Variants in ARHGAP12 observed in about 807,000 individuals in gnomAD.
ARHGAP12 encodes the protein Rho GTPase activating protein 12, also known as rho GTPase-activating protein 12.
Under a neutral mutation model 108.6 loss-of-function variants are expected in ARHGAP12, and 64 were observed. The observed-to-expected ratio is 0.59, with a 90% CI of 0.48 to 0.73. ARHGAP12 has a LOEUF of 0.73. ARHGAP12 is among the 30% of genes least tolerant of loss of function. The pLI is 0.00. For synonymous variants in ARHGAP12, 312 were observed against 337.2 expected (o/e 0.93, Z 0.82); for missense variants, 940 against 1,005.9 (o/e 0.93, Z 0.89).
intron 3 of ARHGAP12, among the ~76,000 whole-genome samples, chr10:31,867,392 C>T (rs1331966177): frequency 6.6e-6 from 1 of 152,144 alleles, no homozygotes; most frequent in East Asian, 1.9e-4. Context: ...AGGGAATTAA[C>T]ACTGATTGAT....
intron 7 of ARHGAP12, among the ~76,000 whole-genome samples, chr10:31,840,028 A>G (rs2132229663): frequency 6.6e-6 from 1 of 152,228 alleles, no homozygotes; most frequent in Non-Finnish European, 1.5e-5. Context: ...TAAAATAAGT[A>G]AAACCTAAAC....
chr10:31,825,530 C>T (rs1050997970), intron 11 of ARHGAP12, among the ~76,000 whole-genome samples: 1 of 152,098 alleles, frequency 6.6e-6, no homozygotes, highest in South Asian at 2.1e-4. Flanking sequence ...CCCAGACCTG[C>T]CACTTGGTAG....
chr10:31,919,939 A>C (rs185853825), intron 1 of ARHGAP12, among the ~76,000 whole-genome samples: 163 of 151,928 alleles, frequency 1.1e-3, no homozygotes, highest in African/African-American at 3.8e-3. Flanking sequence ...AACATGGTGA[A>C]ACCCCATCTC....
At chr10:31,811,489 G>GA (rs1460109949) in intron 15 of ARHGAP12, among the ~76,000 whole-genome samples, 1 of 149,850 alleles carries the variant, frequency 6.7e-6, no homozygotes, top group East Asian at 1.9e-4. Context: ...ATTTCTCAGG[G>GA]AAAAGGCCTG....
At chr10:31,928,442 T>C (rs1840156233) in intron 1 of ARHGAP12, among the ~76,000 whole-genome samples, 1 of 151,432 alleles carries the variant, frequency 6.6e-6, no homozygotes, top group South Asian at 2.1e-4. Flanking sequence ...CGTCAGCCAA[T>C]AGGCTGCGCC....
At chr10:31,877,174 G>A (rs922678191) in intron 3 of ARHGAP12, among the ~76,000 whole-genome samples, 15 of 152,266 alleles carry the variant, frequency 9.9e-5, no homozygotes, top group African/African-American at 3.4e-4. Flanking sequence ...GGACGCTGTT[G>A]CGCATTAGAA....
In ARHGAP12 at chr10:31,927,120, C is replaced by G. The variant is rs181751399; in HGVS notation, c.-111+1563G>C. On this transcript the variant is annotated intron_variant, in intron 1 of 19. Coordinates refer to ENST00000344936, the MANE Select transcript of ARHGAP12 (RefSeq NM_018287.7). ...AGTGGAGCCGCATGCAACCAGGGGT[C>G]GCACATATGTGCGCAGACGGTCTGG... Among the ~76,000 whole-genome samples the G allele has an allele frequency of 2.0e-3, 299 of 152,246 alleles. 1 individual carries two copies. The highest frequency in any genetic ancestry group is 0.014 in the Middle Eastern group (4 of 294).
chr10:31,857,202 T>C (rs778581963), intron 4 of ARHGAP12, among the ~76,000 whole-genome samples: 9 of 152,174 alleles, frequency 5.9e-5, no homozygotes, highest in Non-Finnish European at 8.8e-5. Context: ...ATTTTAACCA[T>C]TGGTAAATCT....
chr10:31,926,903 GAAC>G (rs1316999681), intron 1 of ARHGAP12, among the ~76,000 whole-genome samples: 66 of 152,078 alleles, frequency 4.3e-4, no homozygotes, highest in Non-Finnish European at 2.6e-4. Flanking sequence ...AATTATATAT[GAAC>G]AACTAATATA....
intron 6 of ARHGAP12, among the ~76,000 whole-genome samples, chr10:31,851,382 C>T (rs1836674369): frequency 6.6e-6 from 1 of 152,148 alleles, no homozygotes; most frequent in Non-Finnish European, 1.5e-5. Context: ...GGCTATGCTT[C>T]ATCAACAAAT....
chr10:31,810,893 C>A, intron 15 of ARHGAP12, 146 bp from the exon 16 acceptor site: 1 of 615,510 alleles, frequency 1.6e-6, no homozygotes, highest in South Asian at 2.0e-5. Flanking sequence ...ATGCATCTTG[C>A]CTACTTCTTT....
intron 3 of ARHGAP12, among the ~76,000 whole-genome samples, chr10:31,891,902 T>C (rs1838456777): frequency 6.6e-6 from 1 of 152,344 alleles, no homozygotes; most frequent in East Asian, 1.9e-4. Context: ...ATTCGTCACA[T>C]AGTTCTCGTG....
intron 6 of ARHGAP12, 53 bp from the exon 7 acceptor site, chr10:31,843,639 T>C: frequency 6.6e-7 from 1 of 1,504,716 alleles, no homozygotes; most frequent in South Asian, 1.3e-5. Flanking sequence ...ACAATAGAAA[T>C]GAAAGTGGAA....
chr10:31,888,715 A>G (rs576720906), intron 3 of ARHGAP12, among the ~76,000 whole-genome samples: 118 of 152,340 alleles, frequency 7.7e-4, no homozygotes, highest in Non-Finnish European at 1.4e-3. Flanking sequence ...CTAATACACA[A>G]GGATGAAAGC....
chr10:31,836,502 A>G (rs1322620672), intron 9 of ARHGAP12, among the ~76,000 whole-genome samples: 2 of 152,222 alleles, frequency 1.3e-5, no homozygotes, highest in Non-Finnish European at 2.9e-5. Context: ...ACATGTTTAA[A>G]ATTTATATTA....
intron 3 of ARHGAP12, among the ~76,000 whole-genome samples, chr10:31,886,959 T>C (rs1244470238): frequency 6.6e-6 from 1 of 152,184 alleles, no homozygotes; most frequent in Non-Finnish European, 1.5e-5. Flanking sequence ...ATAATAAAAA[T>C]GCAGAGCAAT....
chr10:31,860,297 T>A (rs1412699570), intron 4 of ARHGAP12, among the ~76,000 whole-genome samples: 2 of 152,230 alleles, frequency 1.3e-5, no homozygotes, highest in Non-Finnish European at 2.9e-5. Flanking sequence ...TTGCTTTTAT[T>A]TGTACGAGCT....
Position 31,809,014 on chromosome 10 carries a change from T to A in ARHGAP12, c.2243A>T (p.Asn748Ile), listed in dbSNP as rs1234141072. ...CTTACTAATTGCATTAACAAAATCA[T>A]TAAAATGATTAAATGTAAAAAGAGG... Reference protein sequence around the residue: ...PEPLFTFNHFNDFVNAIKQEP... With the variant: ...PEPLFTFNHFIDFVNAIKQEP... The change falls in exon 18 of 20, where the codon AAT (asparagine) becomes ATT (isoleucine). Residue 748 changes from asparagine to isoleucine, a missense_variant. Transcript: ENST00000344936. The A allele has an allele frequency of 3.5e-5, 55 of 1,587,888 alleles. No individual in the cohort carries two copies. Among genetic ancestry groups the A allele is most frequent in the Non-Finnish European group, 4.5e-5 (52 of 1,161,046 alleles).
intron 2 of ARHGAP12, among the ~76,000 whole-genome samples, chr10:31,909,359 C>T (rs1309304508): frequency 3.3e-5 from 5 of 152,140 alleles, no homozygotes; most frequent in Non-Finnish European, 1.5e-5. Flanking sequence ...TAAATGATCA[C>T]CTCCTAGAAC....
Sources: gnomAD v4.1 joint callset for allele counts (sites outside exome capture counted in the v4.1 genomes callset) on GRCh38, gnomAD v4.1.1 for gene constraint, MANE v1.5 for transcripts, NCBI Gene and HGNC (gene_info 2026-07-23, HGNC 2026-07-21) for gene names.